ARID5B: variants seen among roughly 807,000 people sequenced by gnomAD.
The protein encoded by ARID5B is AT-rich interactive domain-containing protein 5B.
ARID5B carries 13 observed loss-of-function variants against 97.2 expected under a neutral mutation model. The observed-to-expected ratio is 0.13, with a 90% CI of 0.09 to 0.21. The LOEUF (loss-of-function observed/expected upper bound fraction) is 0.21. Ranked by LOEUF, ARID5B falls within the 10% of genes least tolerant of loss-of-function variation. The probability of loss-of-function intolerance (pLI) is 1.00; values close to 1 mark genes in which losing one functional copy is unlikely to be tolerated. For missense variants in ARID5B, 1,210 were observed against 1,465.3 expected, an observed-to-expected ratio of 0.83 and a Z score of 2.84; for synonymous variants, 556 against 570.3, an observed-to-expected ratio of 0.97 and a Z score of 0.36.
intron 8 of ARID5B, among the ~76,000 whole-genome samples, chr10:62,080,540 C>T (rs931685367): frequency 1.3e-5 from 2 of 152,190 alleles, no homozygotes; most frequent in African/African-American, 4.8e-5. Context: ...GGAACTGTAA[C>T]AAGCATGTGT....
intron 2 of ARID5B, among the ~76,000 whole-genome samples, chr10:61,921,165 G>T (rs1038761935): frequency 2.0e-5 from 3 of 152,194 alleles, no homozygotes; most frequent in African/African-American, 7.2e-5. Context: ...AAAGATGGTT[G>T]TATCGGTTAT....
In ARID5B at chr10:61,919,036, T is replaced by TCCCCC. The variant is rs71022105; in HGVS notation, c.276+16635_276+16639dup. Among the ~76,000 whole-genome samples, 15 of 63,446 alleles carry TCCCCC rather than the reference T, an allele frequency of 2.4e-4. 3 individuals carry two copies. The highest frequency in any genetic ancestry group is 3.4e-4 in the Non-Finnish European group (12 of 35,280). 41.6% of individuals were successfully genotyped at this position (63,446 alleles called of 152,430 possible). A position where few individuals can be genotyped will look rare whatever the true frequency, so the allele number is the denominator to read the frequency against. On this transcript the variant is annotated intron_variant, in intron 2 of 9. Transcript: ENST00000279873. ...GTCTGCGTGACAGAGCCTGACTCCG[T>TCCCCC]CCCCCCCCCCCCCCCCAAAAAAATA...
intron 7 of ARID5B, among the ~76,000 whole-genome samples, chr10:62,066,239 T>C (rs1398857664): frequency 6.6e-6 from 1 of 152,212 alleles, no homozygotes; most frequent in Non-Finnish European, 1.5e-5. Context: ...CTGAGACCCA[T>C]CATGTGTTTG....
chr10:62,024,550 A>T lies in ARID5B; in HGVS notation c.733+24229A>T, dbSNP rs1350588037. ...TCGGGACTTTATCTCTTTGGGTCAAATGTTTCCTGATTGATATTGACTACC... is the reference window on the plus strand; with the variant it reads ...TCGGGACTTTATCTCTTTGGGTCAATTGTTTCCTGATTGATATTGACTACC... On this transcript the variant is annotated intron_variant, in intron 4 of 9. Transcript: ENST00000279873. 4.3e-5 allele frequency: 16 copies of T among 367,856 alleles called. No homozygotes were observed. The East Asian group carries it at 5.2e-4, about 12-fold the overall frequency. 22.8% of individuals were successfully genotyped at this position (367,856 alleles called of 1,614,324 possible).
chr10:62,075,958 A>G (rs1361980657), intron 8 of ARID5B, among the ~76,000 whole-genome samples: 1 of 152,232 alleles, frequency 6.6e-6, no homozygotes, highest in African/African-American at 2.4e-5. Context: ...GACATCTGCC[A>G]TGTGCAGAGA....
At chr10:62,059,194 A>G in intron 6 of ARID5B, 49 bp from the exon 7 acceptor site, 1 of 1,394,334 alleles carries the variant, frequency 7.2e-7, no homozygotes, top group South Asian at 1.3e-5. Flanking sequence ...CATTTCTTGG[A>G]AGTATGTTAA....
At chr10:62,027,023 A>G (rs1364933936) in intron 4 of ARID5B, among the ~76,000 whole-genome samples, 2 of 152,232 alleles carry the variant, frequency 1.3e-5, no homozygotes, top group Non-Finnish European at 2.9e-5. Context: ...ATGCATGACA[A>G]GTTGTATCAC....
chr10:62,075,770 G>T (rs1840123551), intron 8 of ARID5B, among the ~76,000 whole-genome samples: 1 of 152,202 alleles, frequency 6.6e-6, no homozygotes. Flanking sequence ...GTGGCATGTA[G>T]TATTTCTCAG....
chr10:62,027,603 G>A (rs187972186), intron 4 of ARID5B, among the ~76,000 whole-genome samples: 8 of 151,762 alleles, frequency 5.3e-5, no homozygotes, highest in South Asian at 4.2e-4. Context: ...GTGAGCCATC[G>A]CCACCTCACA....
At chr10:62,084,416 G>C (rs1455256017) in intron 8 of ARID5B, among the ~76,000 whole-genome samples, 1 of 152,204 alleles carries the variant, frequency 6.6e-6, no homozygotes, top group African/African-American at 2.4e-5. Flanking sequence ...GACCAAGGAA[G>C]TTTTTGCCTG....
Position 62,092,774 on chromosome 10 carries a change from A to G in ARID5B, c.3311A>G (p.Gln1104Arg). ...CCGGCTGGGTATTCTCATTCTCTGC[A>G]GTACTTGAAAAACCAGACTGTGCTT... ...RLPAGYSHSL[Q>R]YLKNQTVLSP... The change falls in exon 10 of 10, where the codon CAG becomes CGG. Residue 1104 changes from glutamine to arginine, a missense_variant. By Grantham distance (43) the Gln-to-Arg change is conservative (BLOSUM62 1). This residue lies in a region of ARID5B where 800 missense variants were observed against 839.1 expected (regional missense o/e 0.95). Coordinates refer to ENST00000279873, the MANE Select transcript of ARID5B (RefSeq NM_032199.3). 1 of 1,614,186 alleles carries G rather than the reference A, an allele frequency of 6.2e-7. No individual in the cohort carries two copies. The highest frequency in any genetic ancestry group is 8.5e-7 in the Non-Finnish European group (1 of 1,180,022).
chr10:62,092,548 C>A lies in ARID5B; in HGVS notation c.3085C>A (p.Arg1029=). 6.2e-7 allele frequency: 1 copy of A among 1,614,144 alleles called. No homozygotes were observed. Among genetic ancestry groups the A allele is most frequent in the South Asian group, 1.1e-5 (1 of 91,086 alleles). Residue 1029 remains arginine, a synonymous_variant, in exon 10 of 10, where the codon CGG becomes AGG. Transcript: ENST00000279873. ...CCTTGTGATTGCAGGGAAAAAGGCCCGGGCAGTGTCTCCCTTAGACCCATC... is the reference window on the plus strand; with the variant it reads ...CCTTGTGATTGCAGGGAAAAAGGCCAGGGCAGTGTCTCCCTTAGACCCATC... ...LDLVIAGKKA[R]AVSPLDPSKE...
chr10:61,909,364 C>T lies in ARID5B; in HGVS notation c.276+6951C>T, dbSNP rs1163739175. On this transcript the variant is annotated intron_variant, in intron 2 of 9. Transcript: ENST00000279873. ...TTTTTGAGACGGAGTCTCGCTCTGT[C>T]GCCCAGGCTGGAGTGCAGTGGCGCG... Among the ~76,000 whole-genome samples the T allele has an allele frequency of 4.1e-5, 5 of 123,268 alleles. No individual in the cohort carries two copies. In the South Asian group the frequency reaches 8.0e-4, roughly 20 times the overall value. 80.9% of individuals were successfully genotyped at this position (123,268 alleles called of 152,430 possible). A position where few individuals can be genotyped will look rare whatever the true frequency, so the allele number is the denominator to read the frequency against.
At chr10:61,989,131 G>A (rs1301455354) in intron 3 of ARID5B, among the ~76,000 whole-genome samples, 4 of 151,730 alleles carry the variant, frequency 2.6e-5, no homozygotes, top group Non-Finnish European at 5.9e-5. Flanking sequence ...GGGTTTCGCT[G>A]TATTAGCCAG....
At chr10:61,921,987 G>A (rs920226239) in intron 2 of ARID5B, among the ~76,000 whole-genome samples, 3 of 152,040 alleles carry the variant, frequency 2.0e-5, no homozygotes, top group Admixed American at 1.3e-4. Flanking sequence ...GACCACAGGC[G>A]TGCACCACTG....
intron 4 of ARID5B, among the ~76,000 whole-genome samples, chr10:62,010,900 G>A (rs1438475116): frequency 1.3e-5 from 2 of 152,180 alleles, no homozygotes; most frequent in South Asian, 2.1e-4. Context: ...CATACAGGGC[G>A]TTGTCAGGTT....
At chr10:62,077,373 C>A (rs768089613) in intron 8 of ARID5B, among the ~76,000 whole-genome samples, 2 of 152,172 alleles carry the variant, frequency 1.3e-5, no homozygotes, top group Non-Finnish European at 2.9e-5. Flanking sequence ...TGAAAAAAAT[C>A]TCTATTTAAA....
At chr10:62,035,157 G>A (rs988876802) in intron 4 of ARID5B, among the ~76,000 whole-genome samples, 3 of 152,204 alleles carry the variant, frequency 2.0e-5, no homozygotes, top group Admixed American at 6.5e-5. Flanking sequence ...ACCTAGGGAA[G>A]GTGCTGGAGA....
At chr10:62,057,649 G>A (rs1225310068) in intron 6 of ARID5B, among the ~76,000 whole-genome samples, 2 of 152,084 alleles carry the variant, frequency 1.3e-5, no homozygotes, top group Admixed American at 6.6e-5. Context: ...ATATGACGTA[G>A]CTTTATCAGG....
Sources: allele counts gnomAD v4.1 joint callset (sites outside exome capture counted in the v4.1 genomes callset), GRCh38; gene constraint gnomAD v4.1.1; regional missense constraint gnomAD v4.1.1; transcripts MANE v1.5; gene names NCBI Gene and HGNC (gene_info 2026-07-23, HGNC 2026-07-21).